The following SESN3 variants were observed in gnomAD, a reference collection of about 807,000 sequenced individuals.
The protein encoded by SESN3 is sestrin 3, also known as sestrin-3.
SESN3 carries 21 observed loss-of-function variants against 55.3 expected under a neutral mutation model. The observed-to-expected ratio is 0.38, with a 90% confidence interval of 0.27 to 0.55. The LOEUF (loss-of-function observed/expected upper bound fraction) is 0.55, where lower values mean the gene tolerates loss of function less well. Among genes scored for constraint, SESN3 ranks in the 20% least tolerant of loss-of-function variants. SESN3 has a pLI of 0.76. For synonymous variants in SESN3, 181 were observed against 203.1 expected (o/e 0.89, Z 0.93); for missense variants, 408 against 604.3 (o/e 0.68, Z 3.41).
chr11:95,173,440 T>TAC lies in SESN3; in HGVS notation c.1393-101_1393-100dup, dbSNP rs532093347. ...TTTTTTTATGTGTATATAAGCAATA[T>TAC]ACACACACACACACACCTAGGCATA... On this transcript the variant is annotated intron_variant, in intron 9 of 9. Coordinates refer to ENST00000536441, the MANE Select transcript of SESN3 (RefSeq NM_144665.4). 1,080 of 578,516 alleles carry TAC rather than the reference T, an allele frequency of 1.9e-3. 5 individuals are homozygous for TAC. Among genetic ancestry groups the TAC allele is most frequent in the Middle Eastern group, 4.4e-3 (10 of 2,272 alleles). The allele number at this position is 578,516 out of a possible 1,614,324, so 35.8% of individuals were successfully genotyped here.
intron 1 of SESN3, among the ~76,000 whole-genome samples, chr11:95,206,819 G>A (rs1175434989): frequency 2.7e-5 from 4 of 150,590 alleles, no homozygotes; most frequent in African/African-American, 4.9e-5. Flanking sequence ...TTTTTTAGAC[G>A]GAATCTTGCT....
intron 6 of SESN3, chr11:95,182,319 T>C (rs1860072076): frequency 1.1e-5 from 2 of 177,620 alleles, no homozygotes; most frequent in African/African-American, 4.8e-5. Flanking sequence ...AGAAGGTTCA[T>C]CATAGAGTCA....
intron 1 of SESN3, among the ~76,000 whole-genome samples, chr11:95,210,667 C>T (rs1490368823): frequency 6.6e-6 from 1 of 152,176 alleles, no homozygotes; most frequent in Non-Finnish European, 1.5e-5. Context: ...GAGCATTTTG[C>T]ATTCTACCAC....
At chr11:95,227,130 T>A (rs1403024701) in intron 1 of SESN3, among the ~76,000 whole-genome samples, 2 of 152,120 alleles carry the variant, frequency 1.3e-5, no homozygotes, top group East Asian at 3.8e-4. Context: ...TGCTATTACT[T>A]AACAATTTTG....
intron 1 of SESN3, among the ~76,000 whole-genome samples, chr11:95,225,772 T>G (rs1268227767): frequency 6.6e-6 from 1 of 152,120 alleles, no homozygotes; most frequent in Non-Finnish European, 1.5e-5. Flanking sequence ...GAGAAAAGGT[T>G]AAAAGACTTT....
intron 1 of SESN3, among the ~76,000 whole-genome samples, chr11:95,201,834 T>C (rs1333476411): frequency 2.0e-5 from 3 of 152,088 alleles, no homozygotes; most frequent in Non-Finnish European, 4.4e-5. Context: ...CACAGAGTGA[T>C]GTAAATCAAA....
intron 3 of SESN3, among the ~76,000 whole-genome samples, chr11:95,191,090 C>T (rs985416556): frequency 1.3e-5 from 2 of 151,906 alleles, no homozygotes; most frequent in South Asian, 4.1e-4. Context: ...TGTATAAAAA[C>T]AAGATATCAA....
chr11:95,173,360 T>C lies in SESN3; in HGVS notation c.1393-19A>G, dbSNP rs757760883. ...CATGAACCTAGAAGTGAAAATGTTA[T>C]CAGTTTAGTAACCATTATAAACACC... On this transcript the variant is annotated intron_variant, in intron 9 of 9. Coordinates refer to ENST00000536441, the MANE Select transcript of SESN3 (RefSeq NM_144665.4). 17 of 1,531,826 alleles carry C rather than the reference T, an allele frequency of 1.1e-5. No homozygotes were observed. The highest frequency in any genetic ancestry group is 1.4e-5 in the Non-Finnish European group (15 of 1,108,578). 94.9% of individuals were successfully genotyped at this position (1,531,826 alleles called of 1,614,324 possible).
rs1861035823 is a variant in SESN3 at position 95,230,511 on chromosome 11, G to A, written c.78+272C>T. ...GGGTAGCAAGGTAGGGAAATGAGCC[G>A]TAAAGGAGAGCAAAGGCACCAAATA... On this transcript the variant is annotated intron_variant, in intron 1 of 9. Transcript: ENST00000536441. This position sits in a 1 kb window ranked among gnomAD's most constrained non-coding sequence, Gnocchi z 4.6. 4.7e-6 allele frequency: 2 copies of A among 426,444 alleles called. No individual in the cohort carries two copies. Among genetic ancestry groups the A allele is most frequent in the Admixed American group, 8.8e-5 (2 of 22,606 alleles). 26.4% of individuals were successfully genotyped at this position (426,444 alleles called of 1,614,324 possible).
intron 1 of SESN3, among the ~76,000 whole-genome samples, chr11:95,220,407 G>A (rs1860837365): frequency 6.6e-6 from 1 of 152,058 alleles, no homozygotes; most frequent in Non-Finnish European, 1.5e-5. Flanking sequence ...TGACTGGTTG[G>A]CAGGAGGGGG....
At chr11:95,198,383 T>C (rs1860402599) in intron 1 of SESN3, among the ~76,000 whole-genome samples, 1 of 151,342 alleles carries the variant, frequency 6.6e-6, no homozygotes, top group South Asian at 2.1e-4. Flanking sequence ...AAAACAGCTA[T>C]ATTTTCTCAA....
intron 1 of SESN3, among the ~76,000 whole-genome samples, chr11:95,222,787 C>T (rs552349479): frequency 6.6e-6 from 1 of 152,286 alleles, no homozygotes; most frequent in African/African-American, 2.4e-5. Flanking sequence ...GAAGAACAGT[C>T]TTTCTTCAGA....
At chr11:95,228,829 C>T (rs1383943550) in intron 1 of SESN3, among the ~76,000 whole-genome samples, 1 of 152,084 alleles carries the variant, frequency 6.6e-6, no homozygotes, top group Non-Finnish European at 1.5e-5. Context: ...TCTTTTTCCA[C>T]GTTTCTTTTA....
chr11:95,196,860 T>C (rs1047528298), intron 1 of SESN3, among the ~76,000 whole-genome samples: 13 of 152,204 alleles, frequency 8.5e-5, no homozygotes, highest in African/African-American at 3.1e-4. Flanking sequence ...TTATAACTTT[T>C]TGAAATGTTA....
chr11:95,205,761 TAC>T (rs1860535356), intron 1 of SESN3, among the ~76,000 whole-genome samples: 1 of 152,192 alleles, frequency 6.6e-6, no homozygotes. Flanking sequence ...TATTATACAT[TAC>T]ACTCTAATAT....
chr11:95,221,774 A>C (rs1313540217), intron 1 of SESN3, among the ~76,000 whole-genome samples: 3 of 152,228 alleles, frequency 2.0e-5, no homozygotes, highest in Admixed American at 6.5e-5. Flanking sequence ...CAACCAGCCT[A>C]AATAGGAATA....
chr11:95,231,848 G>C (rs1375204167), upstream of SESN3: 1 of 152,198 alleles, frequency 6.6e-6, no homozygotes, highest in East Asian at 1.9e-4. Flanking sequence ...GTTACTTGAG[G>C]CTTGGGAGGC....
Position 95,171,960 on chromosome 11 carries a change from G to A in SESN3, c.*1295C>T, listed in dbSNP as rs1859857357. 6.6e-6 allele frequency: 1 copy of A among 152,112 alleles called. No individual in the cohort carries two copies. Among genetic ancestry groups the A allele is most frequent in the Non-Finnish European group, 1.5e-5 (1 of 67,972 alleles). 9.4% of individuals were successfully genotyped at this position (152,112 alleles called of 1,614,324 possible). ...ACTTAATAACGTTTTTAAACCAGTTGTCCAAGGAGATTTTTCTGGGGAAGG... is the reference window on the plus strand; with the variant it reads ...ACTTAATAACGTTTTTAAACCAGTTATCCAAGGAGATTTTTCTGGGGAAGG... On this transcript the variant is annotated 3_prime_UTR_variant, in exon 10 of 10. Transcript: ENST00000536441.
At position 95,185,336 on chromosome 11, in the gene SESN3, A is replaced by G. The variant is rs200306800; in HGVS notation, c.682T>C (p.Ser228Pro). The change falls in exon 5 of 10, where the codon TCA becomes CCA. Residue 228 changes from serine (S) to proline (P), a missense_variant. Physicochemically the swap from Ser to Pro is moderately conservative, Grantham distance 74. This residue lies in a region of SESN3 where 119 missense variants were observed against 139.9 expected (regional missense o/e 0.85). Transcript: ENST00000536441. The stretch of plus-strand genomic sequence containing the variant: ...TCACAAACGCAGAAATTGTTGACTG[A>G]TATTAGCCTGAATCCATTGGAGATT... ...PEISNGFRLI[S>P]VNNFCVCDLA... The G allele has an allele frequency of 6.2e-7, 1 of 1,613,230 alleles. No individual in the cohort carries two copies. Among genetic ancestry groups the G allele is most frequent in the South Asian group, 1.1e-5 (1 of 91,064 alleles).
Sources: gnomAD v4.1 joint callset for allele counts (sites outside exome capture counted in the v4.1 genomes callset) on GRCh38, gnomAD v4.1.1 for gene constraint, gnomAD v4.1.1 regional missense constraint, Gnocchi (gnomAD v3.1) non-coding constraint, MANE v1.5 for transcripts, NCBI Gene and HGNC (gene_info 2026-07-23, HGNC 2026-07-21) for gene names.